XDH: variants seen among roughly 807,000 people sequenced by gnomAD.
The protein encoded by XDH is xanthine dehydrogenase/oxidase.
XDH carries 138 observed loss-of-function variants against 156.1 expected under a neutral mutation model. The observed-to-expected ratio is 0.88, with a 90% CI of 0.77 to 1.02. XDH has a LOEUF of 1.02. XDH is among the 50% of genes least tolerant of loss of function. The pLI is 0.00. For synonymous variants in XDH, 669 were observed against 625.7 expected, an observed-to-expected ratio of 1.07 and a Z score of -1.03; for missense variants, 1,849 against 1,684.9, an observed-to-expected ratio of 1.10 and a Z score of -1.71.
chr2:31,349,298 C>A (rs574133201), intron 26 of XDH, among the ~76,000 whole-genome samples: 1 of 152,286 alleles, frequency 6.6e-6, no homozygotes, highest in South Asian at 2.1e-4. Context: ...ACAGAGCCAG[C>A]CCAATTATGC....
At chr2:31,378,102 GA>G (rs1686307895) in intron 13 of XDH, among the ~76,000 whole-genome samples, 13 of 60,396 alleles carry the variant, frequency 2.2e-4, no homozygotes, top group African/African-American at 3.6e-4. Flanking sequence ...AAGAAAGAAA[GA>G]AAGAAAGGAA....
intron 24 of XDH, among the ~76,000 whole-genome samples, chr2:31,353,001 A>G (rs1685523898): frequency 6.7e-6 from 1 of 149,796 alleles, no homozygotes; most frequent in African/African-American, 2.5e-5. Context: ...GATTATAAGC[A>G]TGAGCCACCG....
chr2:31,405,471 G>A (rs994460803), intron 2 of XDH, among the ~76,000 whole-genome samples: 1 of 151,944 alleles, frequency 6.6e-6, no homozygotes, highest in Non-Finnish European at 1.5e-5. Flanking sequence ...CTTACCTCAC[G>A]CATCCTTTTC....
At chr2:31,349,534 A>G (rs1685400232) in intron 26 of XDH, 152 bp downstream of exon 26, 3 of 1,154,596 alleles carry the variant, frequency 2.6e-6, no homozygotes, top group Admixed American at 1.8e-5. Context: ...AGATCATTAT[A>G]AGATCTTAAA....
intron 30 of XDH, 105 bp from the exon 31 acceptor site, chr2:31,344,841 C>T: frequency 8.4e-7 from 1 of 1,189,244 alleles, no homozygotes; most frequent in Admixed American, 1.9e-5. Context: ...CCAATCAACT[C>T]ATTTTACTAG....
Position 31,348,312 on chromosome 2 carries a change from C to T in XDH, c.3103G>A (p.Gly1035Arg), listed in dbSNP as rs756494399. 6 of 1,614,046 alleles carry T rather than the reference C, an allele frequency of 3.7e-6. No individual in the cohort carries two copies. The highest frequency in any genetic ancestry group is 2.7e-5 in the African/African-American group (2 of 74,890). Residue 1035 changes from glycine (G) to arginine (R), a missense_variant, in exon 28 of 36, where the codon GGG (glycine) becomes AGG (arginine). By Grantham distance (125) the Gly-to-Arg change is moderately radical. Transcript: ENST00000379416. ...AGGCCTTGGCCCATCTCAGTCCCCC[C>T]GTGGGTCAGCAGCACAGAGCCATCT... ...YTDGSVLLTH[G>R]GTEMGQGLHT... is the part of the protein sequence containing the mutation.
rs45628440 is a variant in XDH, at chr2:31,382,852, T to G, written c.1038+149A>C. 9.7e-4 allele frequency: 1,133 copies of G among 1,164,352 alleles called. 14 individuals carry two copies. The East Asian group carries it at 0.026, about 26-fold the overall frequency. The allele number at this position is 1,164,352 out of a possible 1,614,324, so 72.1% of individuals were successfully genotyped here. On this transcript the variant is annotated intron_variant, in intron 11 of 35. Transcript: ENST00000379416. The stretch of plus-strand genomic sequence containing the variant: ...AATCTCTGAGGGTGGGGCCCAGGAA[T>G]CTGCACTTTAACAAGCACTGCTCCT...
At chr2:31,336,433 T>C (rs1347249223) in intron 35 of XDH, among the ~76,000 whole-genome samples, 1 of 152,122 alleles carries the variant, frequency 6.6e-6, no homozygotes, top group Non-Finnish European at 1.5e-5. Flanking sequence ...TGCATCAGAC[T>C]GTTGGCAAAG....
At chr2:31,370,133 T>C (rs1183307630) in intron 18 of XDH, among the ~76,000 whole-genome samples, 1 of 152,256 alleles carries the variant, frequency 6.6e-6, no homozygotes, top group African/African-American at 2.4e-5. Context: ...ACTGCCACTT[T>C]GGCATAGAGA....
intron 24 of XDH, among the ~76,000 whole-genome samples, chr2:31,358,112 C>T (rs1306207168): frequency 6.6e-6 from 1 of 152,068 alleles, no homozygotes; most frequent in Non-Finnish European, 1.5e-5. Context: ...CTACAGAACT[C>T]TTCACCCCAA....
At chr2:31,343,437 A>G (rs1177329700) in intron 31 of XDH, among the ~76,000 whole-genome samples, 8 of 136,904 alleles carry the variant, frequency 5.8e-5, no homozygotes, top group Non-Finnish European at 1.3e-4. Context: ...TTTTTTGTGT[A>G]TATATGTTTA....
chr2:31,376,550 A>G (rs1161394847), intron 14 of XDH, among the ~76,000 whole-genome samples: 1 of 149,512 alleles, frequency 6.7e-6, no homozygotes, highest in Non-Finnish European at 1.5e-5. Context: ...TAGTAGTAGT[A>G]CTAATAGAGT....
intron 3 of XDH, 122 bp from the exon 4 acceptor site, chr2:31,401,450 T>A: frequency 3.0e-6 from 3 of 994,610 alleles, no homozygotes; most frequent in Non-Finnish European, 4.7e-6. Context: ...CCCATTTATG[T>A]TCTTGTCTCT....
chr2:31,364,356 A>G, intron 23 of XDH, 112 bp from the exon 24 acceptor site: 1 of 1,065,852 alleles, frequency 9.4e-7, no homozygotes, highest in East Asian at 2.4e-5. Flanking sequence ...TAAACAGAAC[A>G]CCACATCATC....
chr2:31,369,521 C>G (rs1452671332), intron 18 of XDH, among the ~76,000 whole-genome samples: 4 of 152,110 alleles, frequency 2.6e-5, no homozygotes, highest in Admixed American at 6.5e-5. Flanking sequence ...ATGCATGTCT[C>G]TGATAATTAT....
At chr2:31,413,098 T>C (rs1379513104) in intron 1 of XDH, among the ~76,000 whole-genome samples, 3 of 152,236 alleles carry the variant, frequency 2.0e-5, no homozygotes, top group African/African-American at 7.2e-5. Flanking sequence ...CAGAAACTTA[T>C]ACTTTTACAG....
At chr2:31,355,399 A>T (rs1381295046) in intron 24 of XDH, among the ~76,000 whole-genome samples, 1 of 152,086 alleles carries the variant, frequency 6.6e-6, no homozygotes, top group Non-Finnish European at 1.5e-5. Context: ...TCAGTTTTTA[A>T]AATTGTCTGA....
chr2:31,340,748 G>C (rs1294664687), intron 33 of XDH, among the ~76,000 whole-genome samples: 4 of 152,166 alleles, frequency 2.6e-5, no homozygotes, highest in African/African-American at 9.7e-5. Flanking sequence ...GGGATTACAG[G>C]TGTGAGCCAC....
At chr2:31,375,594 C>T in intron 14 of XDH, 40 bp from the exon 15 acceptor site, 2 of 1,600,788 alleles carry the variant, frequency 1.2e-6, no homozygotes, top group Non-Finnish European at 1.7e-6. Context: ...TCCCGCCCAG[C>T]CCTCCAGACC....
Sources: allele counts gnomAD v4.1 joint callset (sites outside exome capture counted in the v4.1 genomes callset), GRCh38; gene constraint gnomAD v4.1.1; transcripts MANE v1.5; gene names NCBI Gene and HGNC (gene_info 2026-07-23, HGNC 2026-07-21).